Variants in MIPEP observed in about 807,000 individuals in gnomAD.
The protein encoded by MIPEP is mitochondrial intermediate peptidase.
A neutral mutation model predicts 90.3 loss-of-function variants in MIPEP; 79 were observed. The ratio of observed to expected loss-of-function variants is 0.87; its 90% confidence interval spans 0.73 to 1.05. The LOEUF (loss-of-function observed/expected upper bound fraction) is 1.05. MIPEP is among the 50% of genes least tolerant of loss of function. The probability of loss-of-function intolerance (pLI) is 0.00; values close to 1 mark genes in which losing one functional copy is unlikely to be tolerated. For synonymous variants in MIPEP, 334 were observed against 315.8 expected, an observed-to-expected ratio of 1.06 and a Z score of -0.61; for missense variants, 940 against 905.6, an observed-to-expected ratio of 1.04 and a Z score of -0.49.
At chr13:23,840,365 A>T (rs903730058) in intron 11 of MIPEP, among the ~76,000 whole-genome samples, 1 of 152,156 alleles carries the variant, frequency 6.6e-6, no homozygotes, top group African/African-American at 2.4e-5. Flanking sequence ...GGTGCCAGGA[A>T]CTCTTCAAGA....
chr13:23,795,580 C>T (rs193284761), intron 16 of MIPEP, among the ~76,000 whole-genome samples: 1 of 152,240 alleles, frequency 6.6e-6, no homozygotes, highest in Admixed American at 6.5e-5. Context: ...CATGTCTTAT[C>T]AACTATTCTA....
intron 2 of MIPEP, among the ~76,000 whole-genome samples, chr13:23,885,923 A>G (rs1871459542): frequency 6.6e-6 from 1 of 151,306 alleles, no homozygotes; most frequent in Admixed American, 6.6e-5. Flanking sequence ...AAAAAAAAAA[A>G]AAAAAGAAAA....
chr13:23,870,070 T>C lies in MIPEP; in HGVS notation c.729A>G (p.Thr243=). The C allele has an allele frequency of 6.2e-7, 1 of 1,613,074 alleles. No individual in the cohort carries two copies. The highest frequency in any genetic ancestry group is 2.2e-5 in the East Asian group (1 of 44,804). ...LLPEHIRRNF[T]SAGDHIIIDG... is the part of the protein sequence containing the mutation. ...CAATTATGATATGATCCCCAGCAGA[T>C]GTAAAGTTACGACGAATGTGTTCTG... The change falls in exon 6 of 19, where the codon ACA becomes ACG. Residue 243 remains threonine (T), a synonymous_variant. Coordinates refer to ENST00000382172, the MANE Select transcript of MIPEP (RefSeq NM_005932.4).
rs71070619 is a variant in MIPEP, at chr13:23,779,468, T to TG, written c.1849-19252dup. On this transcript the variant is annotated intron_variant, in intron 16 of 18. Transcript: ENST00000382172. ...AAACAAATACATTTAAAAAGGTGTA[T>TG]GGGGGGGGCAGTTCCAAGATGGACG... Among the ~76,000 whole-genome samples the TG allele has an allele frequency of 5.3e-3, 808 of 151,392 alleles. 13 individuals carry two copies. Among genetic ancestry groups the TG allele is most frequent in the African/African-American group, 0.018 (732 of 41,240 alleles).
chr13:23,879,953 C>G (rs1456747213), intron 3 of MIPEP, among the ~76,000 whole-genome samples: 1 of 152,092 alleles, frequency 6.6e-6, no homozygotes, highest in East Asian at 1.9e-4. Flanking sequence ...CCCAACCCAC[C>G]CCATAGTACC....
intron 14 of MIPEP, among the ~76,000 whole-genome samples, chr13:23,824,233 T>G (rs1953341237): frequency 6.6e-6 from 1 of 152,236 alleles, no homozygotes; most frequent in Non-Finnish European, 1.5e-5. Context: ...TTTCACAATC[T>G]CACTAGTCTA....
At chr13:23,882,969 C>T (rs1458541360) in intron 2 of MIPEP, among the ~76,000 whole-genome samples, 1 of 151,746 alleles carries the variant, frequency 6.6e-6, no homozygotes, top group Non-Finnish European at 1.5e-5. Flanking sequence ...ATGAGGAAAA[C>T]AGTTGTTACA....
intron 16 of MIPEP, among the ~76,000 whole-genome samples, chr13:23,783,302 C>A (rs1381228019): frequency 3.9e-5 from 6 of 152,252 alleles, no homozygotes; most frequent in African/African-American, 1.4e-4. Context: ...TCAACATATG[C>A]AAATCAATAA....
intron 5 of MIPEP, among the ~76,000 whole-genome samples, chr13:23,871,411 G>A (rs992104306): frequency 3.3e-5 from 5 of 152,142 alleles, no homozygotes; most frequent in Non-Finnish European, 1.5e-5. Context: ...GACAGGCTCT[G>A]CAGATGAATT....
In MIPEP at chr13:23,820,677, C is replaced by T. The variant is rs565103172; in HGVS notation, c.1654-10753G>A. On this transcript the variant is annotated intron_variant, in intron 14 of 18. Transcript: ENST00000382172. Reference sequence around the variant, plus strand: ...TTCAGCTCTTCTCCATCGCACCTGGCTCTGCCTCTCCCAGGCCAGCACAGC... The same window carrying T: ...TTCAGCTCTTCTCCATCGCACCTGGTTCTGCCTCTCCCAGGCCAGCACAGC... Among the ~76,000 whole-genome samples, 28 of 152,348 alleles carry T rather than the reference C, an allele frequency of 1.8e-4. No homozygotes were observed. In the South Asian group the frequency reaches 5.6e-3, roughly 30 times the overall value.
chr13:23,775,109 C>CTCTCTCTGTG (rs1375320068), intron 16 of MIPEP, among the ~76,000 whole-genome samples: 1 of 149,094 alleles, frequency 6.7e-6, no homozygotes, highest in African/African-American at 2.5e-5. Flanking sequence ...TATCAGTTCT[C>CTCTCTCTGTG]TGTGTGTGTG....
chr13:23,868,343 C>T (rs9318100), intron 7 of MIPEP, among the ~76,000 whole-genome samples: 62,126 of 152,002 alleles, frequency 0.41, 12,930 homozygotes, highest in African/African-American at 0.46. Context: ...ACCGAGAGCC[C>T]TGACAGGTCA....
Position 23,837,664 on chromosome 13 carries a change from G to C in MIPEP, c.1431C>G (p.Ser477=). 1 of 1,614,052 alleles carries C rather than the reference G, an allele frequency of 6.2e-7. No individual in the cohort carries two copies. The change falls in exon 13 of 19, where the codon TCC becomes TCG. Residue 477 remains serine, a synonymous_variant. Coordinates refer to ENST00000382172, the MANE Select transcript of MIPEP (RefSeq NM_005932.4). ...VVVLMLNLPR[S]SRSSPTLLTP... is the part of the protein sequence containing the mutation. The stretch of plus-strand genomic sequence containing the variant: ...TTAGCAAAGTTGGAGAACTCCTTGA[G>C]GAACGGGGAAGATTCAGCATAAGAA...
intron 5 of MIPEP, 99 bp downstream of exon 5, chr13:23,874,747 A>T: frequency 1.0e-6 from 1 of 978,530 alleles, no homozygotes; most frequent in Non-Finnish European, 1.5e-6. Context: ...TTTTTGCAAT[A>T]TGCAAATTCA....
intron 16 of MIPEP, among the ~76,000 whole-genome samples, chr13:23,787,410 GA>G (rs1952857003): frequency 1.6e-5 from 1 of 62,886 alleles, no homozygotes; most frequent in Admixed American, 1.6e-4. Flanking sequence ...GAGAGGGAGA[GA>G]GAGAGAGAGA....
intron 16 of MIPEP, among the ~76,000 whole-genome samples, chr13:23,761,606 A>G (rs1056189445): frequency 6.6e-6 from 1 of 152,188 alleles, no homozygotes; most frequent in Non-Finnish European, 1.5e-5. Flanking sequence ...AGTGGAAAAC[A>G]TCTCCATTCC....
intron 10 of MIPEP, among the ~76,000 whole-genome samples, chr13:23,846,408 G>C (rs919385464): frequency 2.6e-5 from 4 of 152,144 alleles, no homozygotes; most frequent in African/African-American, 9.7e-5. Context: ...AAAGATTCAT[G>C]ATTATTATAG....
Position 23,889,179 on chromosome 13 carries a change from T to A in MIPEP, c.142A>T (p.Asn48Tyr). The change falls in exon 1 of 19, where the codon AAT (asparagine) becomes TAT (tyrosine). Residue 48 changes from asparagine (N) to tyrosine (Y), a missense_variant. Transcript: ENST00000382172. ...AAGCGGCTGCCCTGGGGCTTGACAT[T>A]GAAGGCGGCGCCCACGGGAGACCAG... ...TSWSPVGAAF[N>Y]VKPQGSRLDL... 6.8e-7 allele frequency: 1 copy of A among 1,467,994 alleles called. No individual in the cohort carries two copies. The highest frequency in any genetic ancestry group is 9.0e-7 in the Non-Finnish European group (1 of 1,111,250). The allele number at this position is 1,467,994 out of a possible 1,614,324, so 90.9% of individuals were successfully genotyped here. A position where few individuals can be genotyped will look rare whatever the true frequency, so the allele number is the denominator to read the frequency against.
At chr13:23,758,204 G>A (rs1776822244) in intron 17 of MIPEP, among the ~76,000 whole-genome samples, 1 of 152,104 alleles carries the variant, frequency 6.6e-6, no homozygotes, top group South Asian at 2.1e-4. Flanking sequence ...CTCAGCCATG[G>A]GATGTAGTGC....
Sources: allele counts gnomAD v4.1 joint callset (sites outside exome capture counted in the v4.1 genomes callset), GRCh38; gene constraint gnomAD v4.1.1; transcripts MANE v1.5; gene names NCBI Gene and HGNC (gene_info 2026-07-23, HGNC 2026-07-21).